The following GABRG3 variants were observed in gnomAD, a reference collection of about 807,000 sequenced individuals.
GABRG3 encodes the protein gamma-aminobutyric acid receptor subunit gamma-3.
GABRG3 carries 25 observed loss-of-function variants against 48.8 expected under a neutral mutation model. The observed-to-expected ratio is 0.51, with a 90% confidence interval of 0.37 to 0.72. GABRG3 has a LOEUF of 0.72. Ranked by LOEUF, GABRG3 falls within the 30% of genes least tolerant of loss-of-function variation. The pLI is 0.00. For synonymous variants in GABRG3, 227 were observed against 217.6 expected (o/e 1.04, Z -0.38); for missense variants, 394 against 577.9 (o/e 0.68, Z 3.26).
chr15:27,346,100 A>AAG (rs1894362230), intron 5 of GABRG3, among the ~76,000 whole-genome samples: 1 of 124,484 alleles, frequency 8.0e-6, no homozygotes, highest in African/African-American at 2.9e-5. Context: ...GAAAGAAAGG[A>AAG]AAGAAAGAGA....
intron 3 of GABRG3, among the ~76,000 whole-genome samples, chr15:27,247,451 T>C (rs909668232): frequency 4.6e-5 from 7 of 152,022 alleles, no homozygotes; most frequent in Admixed American, 4.6e-4. Flanking sequence ...GCAGCCACAC[T>C]GTCCTCTGTA....
intron 3 of GABRG3, among the ~76,000 whole-genome samples, chr15:27,164,897 C>G (rs899725225): frequency 2.6e-5 from 4 of 152,174 alleles, no homozygotes; most frequent in Non-Finnish European, 4.4e-5. Context: ...GTGGGCTCCT[C>G]TCAGTGGAAA....
At chr15:27,472,508 T>C (rs1595778028) in intron 5 of GABRG3, among the ~76,000 whole-genome samples, 1 of 152,300 alleles carries the variant, frequency 6.6e-6, no homozygotes, top group East Asian at 1.9e-4. Flanking sequence ...ACTCCTGACC[T>C]CAAATGACCT....
chr15:27,410,679 G>A (rs555439137), intron 5 of GABRG3, among the ~76,000 whole-genome samples: 33 of 152,220 alleles, frequency 2.2e-4, no homozygotes, highest in African/African-American at 7.5e-4. Flanking sequence ...AGGCTTACTA[G>A]TGACATTCTC....
chr15:27,417,049 C>G (rs1397637689), intron 5 of GABRG3, among the ~76,000 whole-genome samples: 1 of 152,294 alleles, frequency 6.6e-6, no homozygotes, highest in South Asian at 2.1e-4. Context: ...TGGTTCTTAG[C>G]TGGAGGTGAT....
intron 3 of GABRG3, among the ~76,000 whole-genome samples, chr15:27,207,667 G>A (rs910129844): frequency 6.6e-6 from 1 of 152,218 alleles, no homozygotes; most frequent in Admixed American, 6.5e-5. Flanking sequence ...GGGCACAGAT[G>A]TGGTAAGGAG....
chr15:27,053,187 G>A (rs1341070251), intron 3 of GABRG3, among the ~76,000 whole-genome samples: 2 of 152,178 alleles, frequency 1.3e-5, no homozygotes, highest in Admixed American at 1.3e-4. Context: ...AAGAACTTCT[G>A]TACAGCAACA....
At chr15:27,416,327 C>T (rs1375932276) in intron 5 of GABRG3, among the ~76,000 whole-genome samples, 4 of 152,148 alleles carry the variant, frequency 2.6e-5, no homozygotes, top group South Asian at 2.1e-4. Context: ...TGAATTTCCC[C>T]GCTTAGGTGG....
At chr15:27,411,260 C>A (rs758927597) in intron 5 of GABRG3, among the ~76,000 whole-genome samples, 60 of 152,062 alleles carry the variant, frequency 3.9e-4, no homozygotes, top group Non-Finnish European at 7.2e-4. Flanking sequence ...AGCTCTGATT[C>A]AGGTCAAATA....
chr15:27,216,507 A>G lies in GABRG3; in HGVS notation c.271-110302A>G, dbSNP rs140715094. 7.5e-3 allele frequency among the ~76,000 whole-genome samples: 1,146 copies of G among 152,288 alleles called. 14 individuals carry two copies. Among genetic ancestry groups the G allele is most frequent in the South Asian group, 0.013 (65 of 4,826 alleles). On this transcript the variant is annotated intron_variant, in intron 3 of 9. Transcript: ENST00000615808. ...TGCAGTGCAGAGGCAAAGCATCTTT[A>G]TGACCAAGGCACATCCTCAGCTTAT...
chr15:27,297,660 CACA>C (rs1436770205), intron 3 of GABRG3, among the ~76,000 whole-genome samples: 6 of 152,256 alleles, frequency 3.9e-5, no homozygotes, highest in East Asian at 1.9e-4. Context: ...ATGATGTTCA[CACA>C]ACAACAGATT....
intron 6 of GABRG3, among the ~76,000 whole-genome samples, chr15:27,507,443 G>A (rs1890787160): frequency 6.6e-6 from 1 of 152,128 alleles, no homozygotes; most frequent in Admixed American, 6.6e-5. Flanking sequence ...AGCAGAGGCT[G>A]CAGTGAGCCA....
chr15:27,389,237 G>A (rs1896147571), intron 5 of GABRG3, among the ~76,000 whole-genome samples: 1 of 152,214 alleles, frequency 6.6e-6, no homozygotes, highest in African/African-American at 2.4e-5. Context: ...AAGCTACAGA[G>A]AGTTGCCATG....
At chr15:27,375,138 A>G (rs62001347) in intron 5 of GABRG3, among the ~76,000 whole-genome samples, 22,859 of 152,194 alleles carry the variant, frequency 0.15, 2,641 homozygotes, top group African/African-American at 0.32. Flanking sequence ...AGAGTAGACA[A>G]TGATTTGTAA....
intron 3 of GABRG3, among the ~76,000 whole-genome samples, chr15:27,178,182 A>G (rs997354300): frequency 6.6e-6 from 1 of 152,180 alleles, no homozygotes; most frequent in African/African-American, 2.4e-5. Flanking sequence ...ATTTTTGTCA[A>G]CTGTATCCAA....
intron 2 of GABRG3, among the ~76,000 whole-genome samples, chr15:27,000,561 C>A: frequency 6.6e-6 from 1 of 152,142 alleles, no homozygotes. Flanking sequence ...TTAACACTAT[C>A]CCCATTTGTA....
At chr15:27,479,970 C>G (rs2150844583) in intron 5 of GABRG3, among the ~76,000 whole-genome samples, 1 of 152,338 alleles carries the variant, frequency 6.6e-6, no homozygotes, top group East Asian at 1.9e-4. Flanking sequence ...CCAGCTCTGG[C>G]TCAGGGAGCC....
rs775935944 is a variant in GABRG3 at position 27,532,890 on chromosome 15, C to G, written c.*9C>G. Reference sequence around the variant, plus strand: ...GATACCTGTATCTCTAAGTGTTGCTCAGAGTGAAGAGTGAAGAGCATTTGG... The same window carrying G: ...GATACCTGTATCTCTAAGTGTTGCTGAGAGTGAAGAGTGAAGAGCATTTGG... On this transcript the variant is annotated 3_prime_UTR_variant, in exon 10 of 10. Transcript: ENST00000615808. 50 of 1,611,894 alleles carry G rather than the reference C, an allele frequency of 3.1e-5. 1 individual carries two copies. The South Asian group carries it at 5.4e-4, about 17-fold the overall frequency.
chr15:27,418,146 T>C (rs1172946030), intron 5 of GABRG3, among the ~76,000 whole-genome samples: 1 of 151,916 alleles, frequency 6.6e-6, no homozygotes, highest in Non-Finnish European at 1.5e-5. Context: ...CTGCCTCAGA[T>C]GAATATGAAG....
Sources: allele counts gnomAD v4.1 joint callset (sites outside exome capture counted in the v4.1 genomes callset), GRCh38; gene constraint gnomAD v4.1.1; transcripts MANE v1.5; gene names NCBI Gene and HGNC (gene_info 2026-07-23, HGNC 2026-07-21).